CYP4F8: variants seen among roughly 807,000 people sequenced by gnomAD.
The protein encoded by CYP4F8 is cytochrome P450 family 4 subfamily F member 8.
In CYP4F8, 56 loss-of-function variants were observed where a neutral mutation model predicts 55.0. That is an observed-to-expected ratio of 1.02 (90% CI 0.82 to 1.27). CYP4F8 has a LOEUF of 1.27. Ranked by LOEUF, CYP4F8 falls within the 50% of genes most tolerant of loss-of-function variation. CYP4F8 has a pLI of 0.00. For missense variants in CYP4F8, 680 were observed against 682.4 expected (o/e 1.00, Z 0.04); for synonymous variants, 288 against 267.3 (o/e 1.08, Z -0.76).
chr19:15,620,915 A>G (rs181553589), intron 5 of CYP4F8, among the ~76,000 whole-genome samples: 5 of 152,250 alleles, frequency 3.3e-5, no homozygotes, highest in African/African-American at 1.2e-4. Flanking sequence ...GAGCTAATAA[A>G]TTAGCTTGTT....
At chr19:15,624,722 G>A (rs1453635831) in intron 9 of CYP4F8, among the ~76,000 whole-genome samples, 1 of 152,112 alleles carries the variant, frequency 6.6e-6, no homozygotes, top group Non-Finnish European at 1.5e-5. Context: ...TGCCTATTAT[G>A]AAACTAAAAC....
At position 15,629,514 on chromosome 19, in the gene CYP4F8, G is replaced by A. The variant is rs1287926084; in HGVS notation, c.*156G>A. 1.3e-5 allele frequency: 14 copies of A among 1,080,170 alleles called. No homozygotes were observed. The highest frequency in any genetic ancestry group is 1.8e-5 in the Non-Finnish European group (14 of 787,896). The allele number at this position is 1,080,170 out of a possible 1,614,324, so 66.9% of individuals were successfully genotyped here. On this transcript the variant is annotated 3_prime_UTR_variant, in exon 13 of 13. Coordinates refer to ENST00000612078, the MANE Select transcript of CYP4F8 (RefSeq NM_007253.4). ...GAGGACTGCGGGGATCTAGGGCCTGGCTGGGAAGAGGCGGGGAGATGTCTC... is the reference window on the plus strand; with the variant it reads ...GAGGACTGCGGGGATCTAGGGCCTGACTGGGAAGAGGCGGGGAGATGTCTC...
chr19:15,626,214 T>C (rs1599862925), intron 9 of CYP4F8, among the ~76,000 whole-genome samples: 1 of 152,222 alleles, frequency 6.6e-6, no homozygotes, highest in Non-Finnish European at 1.5e-5. Context: ...TGTCTGATAA[T>C]TTCTCTGGGA....
chr19:15,622,864 T>C (rs1972211882), intron 6 of CYP4F8: 2 of 557,128 alleles, frequency 3.6e-6, no homozygotes, highest in East Asian at 6.1e-5. Context: ...AGAAACTGAG[T>C]AATAATAGGC....
rs548473195 is a variant in CYP4F8 at position 15,623,895 on chromosome 19, G to T, written c.986-70G>T. The T allele has an allele frequency of 5.1e-5, 82 of 1,600,712 alleles. 1 individual carries two copies. The South Asian group carries it at 8.5e-4, about 17-fold the overall frequency. ...CCTCAACCTTCCTGAGAGCCTCAATGTATGGGCGCTGTCCACCCTCTGGGT... is the reference window on the plus strand; with the variant it reads ...CCTCAACCTTCCTGAGAGCCTCAATTTATGGGCGCTGTCCACCCTCTGGGT... On this transcript the variant is annotated intron_variant, in intron 8 of 12. Coordinates refer to ENST00000612078, the MANE Select transcript of CYP4F8 (RefSeq NM_007253.4).
chr19:15,623,129 G>A lies in CYP4F8; in HGVS notation c.672G>A (p.Ala224=), dbSNP rs1170374494. 1.2e-6 allele frequency: 2 copies of A among 1,614,026 alleles called. No homozygotes were observed. The highest frequency in any genetic ancestry group is 1.3e-5 in the African/African-American group (1 of 75,002). ...GGAAGCCCAGTGAATATATTACTGC[G>A]ATCATGGAGCTCAGTGCCCTTGTAG... ...CQEKPSEYIT[A]IMELSALVVK... Residue 224 remains alanine (A), a synonymous_variant, in exon 7 of 13, where the codon GCG becomes GCA. Coordinates refer to ENST00000612078, the MANE Select transcript of CYP4F8 (RefSeq NM_007253.4).
intron 12 of CYP4F8, 91 bp downstream of exon 12, chr19:15,628,934 T>C (rs1972299739): frequency 1.4e-6 from 2 of 1,404,072 alleles, no homozygotes; most frequent in Non-Finnish European, 1.9e-6. Flanking sequence ...ACCACGTGTT[T>C]CTGTGATAGG....
intron 6 of CYP4F8, 34 bp downstream of exon 6, chr19:15,622,374 TGGAGTGGGGGTGTG>T: frequency 1.0e-6 from 1 of 967,574 alleles, no homozygotes; most frequent in Non-Finnish European, 1.5e-6. Context: ...GAACATGGGA[TGGAGTGGGGGTGTG>T]GGTGTGGGGA....
In CYP4F8 at chr19:15,623,746, T is replaced by C. The variant is rs1599861254; in HGVS notation, c.966T>C (p.Ala322=). 3 of 1,613,868 alleles carry C rather than the reference T, an allele frequency of 1.9e-6. No homozygotes were observed. The highest frequency in any genetic ancestry group is 2.5e-6 in the Non-Finnish European group (3 of 1,180,044). ...CAGATGAGGACATAAGAGCAGAAGC[T>C]GACACTTTCATGTTTGGAGGTGAGT... The part of the protein sequence containing the change: ...ELSDEDIRAE[A]DTFMFGGHDT... Residue 322 remains alanine, a synonymous_variant, in exon 8 of 13, where the codon GCT becomes GCC. Coordinates refer to ENST00000612078, the MANE Select transcript of CYP4F8 (RefSeq NM_007253.4).
In CYP4F8 at chr19:15,619,666, G is replaced by A; in HGVS notation, c.429G>A (p.Lys143=). 2 of 1,614,232 alleles carry A rather than the reference G, an allele frequency of 1.2e-6. No homozygotes were observed. Among genetic ancestry groups the A allele is most frequent in the Non-Finnish European group, 8.5e-7 (1 of 1,180,044 alleles). ...GDGLLLSVGD[K]WRHHRRLLTP... is the part of the protein sequence containing the mutation. ...GGCTCTTGTTAAGTGTTGGTGACAAGTGGAGACACCACCGTCGCTTGCTGA... is the reference window on the plus strand; with the variant it reads ...GGCTCTTGTTAAGTGTTGGTGACAAATGGAGACACCACCGTCGCTTGCTGA... The change falls in exon 5 of 13, where the codon AAG becomes AAA. Residue 143 remains lysine, a synonymous_variant. Coordinates refer to ENST00000612078, the MANE Select transcript of CYP4F8 (RefSeq NM_007253.4).
rs1470089420 is a variant in CYP4F8 at position 15,617,994 on chromosome 19, T to C, written c.199-6T>C. On this transcript the variant is annotated splice_region_variant and splice_polypyrimidine_tract_variant and intron_variant, in intron 2 of 12. Transcript: ENST00000612078. ...CAGGAGGTGATGGCCCTTGCCTTGC[T>C]TGCAGGTCACTCCCACAGAGGAGGG... is the stretch of plus-strand genomic sequence containing the variant. The C allele has an allele frequency of 6.2e-7, 1 of 1,613,340 alleles. No homozygotes were observed. The highest frequency in any genetic ancestry group is 8.5e-7 in the Non-Finnish European group (1 of 1,179,440).
chr19:15,624,039 T>C lies in CYP4F8; in HGVS notation c.1060T>C (p.Cys354Arg). Residue 354 changes from cysteine (C) to arginine (R), a missense_variant, in exon 9 of 13, where the codon TGC (cysteine) becomes CGC (arginine). Transcript: ENST00000612078. ...GAGGCACCCAGAATACCAAGAACGC[T>C]GCCGGCAGGAGGTGCAAGAGCTTCT... is the stretch of plus-strand genomic sequence containing the variant. Reference protein sequence around the residue: ...LARHPEYQERCRQEVQELLKD... With the variant: ...LARHPEYQERRRQEVQELLKD... 1.2e-6 allele frequency: 2 copies of C among 1,614,136 alleles called. No homozygotes were observed. Among genetic ancestry groups the C allele is most frequent in the Non-Finnish European group, 1.7e-6 (2 of 1,180,006 alleles).
At chr19:15,616,475 T>A (rs1477695460) in intron 2 of CYP4F8, among the ~76,000 whole-genome samples, 1 of 152,174 alleles carries the variant, frequency 6.6e-6, no homozygotes, top group African/African-American at 2.4e-5. Context: ...CAGCAGGTAT[T>A]CACCATTATT....
At chr19:15,628,244 CCAGGGGCAG>C (rs1972286180) in intron 9 of CYP4F8, 49 bp from the exon 10 acceptor site, 1 of 1,610,456 alleles carries the variant, frequency 6.2e-7, no homozygotes, top group Admixed American at 1.7e-5. Context: ...GAGAGGGTCT[CCAGGGGCAG>C]CAGGAGGGCC....
At chr19:15,621,587 A>C (rs1972194633) in intron 5 of CYP4F8, 1 of 113,890 alleles carries the variant, frequency 8.8e-6, no homozygotes, top group Admixed American at 9.0e-5. Context: ...AGAGTTTTGC[A>C]TTCTTGGCAT....
Position 15,628,787 on chromosome 19 carries a change from A to T in CYP4F8, c.1341A>T (p.Pro447=), listed in dbSNP as rs2056822. ...PEVYDPFRFD[P]ENAQKRSPMA... is the part of the protein sequence containing the mutation. ...TCTATGACCCCTTCCGCTTCGACCC[A>T]GAAAACGCCCAGAAGAGGTCACCTA... is the stretch of plus-strand genomic sequence containing the variant. Residue 447 remains proline (P), a synonymous_variant, in exon 12 of 13, where the codon CCA becomes CCT. Transcript: ENST00000612078. 2 of 1,610,168 alleles carry T rather than the reference A, an allele frequency of 1.2e-6. No homozygotes were observed. The highest frequency in any genetic ancestry group is 1.7e-5 in the Admixed American group (1 of 59,068).
At position 15,629,632 on chromosome 19, in the gene CYP4F8, C is replaced by A; in HGVS notation, c.*274C>A. On this transcript the variant is annotated 3_prime_UTR_variant, in exon 13 of 13. Transcript: ENST00000612078. The stretch of plus-strand genomic sequence containing the variant: ...AGAGTCTAAGTAAAGACTTTTTCCC[C>A]CCCAAAATAATTGTGTATTCTGATA... 2.6e-6 allele frequency: 1 copy of A among 390,660 alleles called. No homozygotes were observed. The highest frequency in any genetic ancestry group is 4.5e-6 in the Non-Finnish European group (1 of 220,586). The allele number at this position is 390,660 out of a possible 1,614,324, so 24.2% of individuals were successfully genotyped here. A position where few individuals can be genotyped will look rare whatever the true frequency, so the allele number is the denominator to read the frequency against.
Position 15,629,112 on chromosome 19 carries a change from G to A in CYP4F8, c.1398-81G>A, listed in dbSNP as rs1043546887. 32 of 1,490,986 alleles carry A rather than the reference G, an allele frequency of 2.1e-5. No individual in the cohort carries two copies. In the African/African-American group the frequency reaches 3.6e-4, roughly 17 times the overall value. The allele number at this position is 1,490,986 out of a possible 1,614,324, so 92.4% of individuals were successfully genotyped here. Reference sequence around the variant, plus strand: ...CCCAAGGTGATCTGGGTGGGGTTGGGGGTTCCGGGCCTGGTTCCTGGCGCA... The same window carrying A: ...CCCAAGGTGATCTGGGTGGGGTTGGAGGTTCCGGGCCTGGTTCCTGGCGCA... On this transcript the variant is annotated intron_variant, in intron 12 of 12. Transcript: ENST00000612078.
chr19:15,615,476 C>A, intron 1 of CYP4F8, 140 bp from the exon 2 acceptor site: 2 of 939,038 alleles, frequency 2.1e-6, no homozygotes, highest in Non-Finnish European at 3.0e-6. Flanking sequence ...CTCCTCTCCC[C>A]TCTCCCTTGG....
Sources: allele counts gnomAD v4.1 joint callset (sites outside exome capture counted in the v4.1 genomes callset), GRCh38; gene constraint gnomAD v4.1.1; transcripts MANE v1.5; gene names NCBI Gene and HGNC (gene_info 2026-07-23, HGNC 2026-07-21).